Variants in MROH2B observed in about 807,000 individuals in gnomAD.
MROH2B encodes maestro heat-like repeat-containing protein family member 2B.
Under a neutral mutation model 208.6 loss-of-function variants are expected in MROH2B, and 177 were observed. The observed-to-expected ratio is 0.85, with a 90% CI of 0.75 to 0.96. The LOEUF (loss-of-function observed/expected upper bound fraction) is 0.96. Ranked by LOEUF, MROH2B falls within the 40% of genes least tolerant of loss-of-function variation. MROH2B has a pLI of 0.00. For missense variants in MROH2B, 2,002 were observed against 1,878.7 expected (o/e 1.07, Z -1.21); for synonymous variants, 728 against 659.0 (o/e 1.10, Z -1.60).
rs559594339 is a variant in MROH2B, at chr5:41,023,558, A to G, written c.2442-4540T>C. Among the ~76,000 whole-genome samples, 67 of 152,354 alleles carry G rather than the reference A, an allele frequency of 4.4e-4. 2 individuals carry two copies. In the South Asian group the frequency reaches 0.013, roughly 30 times the overall value. On this transcript the variant is annotated intron_variant, in intron 24 of 41. Transcript: ENST00000399564. ...GGGACTATGTGAAAAGACCAAATCT[A>G]CATCTGGTTGGTGTACCTGAAAGTG...
In MROH2B at chr5:41,012,647, G is replaced by A. The variant is rs1171970228; in HGVS notation, c.3071C>T (p.Thr1024Ile). 4 of 1,613,766 alleles carry A rather than the reference G, an allele frequency of 2.5e-6. No homozygotes were observed. The highest frequency in any genetic ancestry group is 3.4e-6 in the Non-Finnish European group (4 of 1,179,812). The change falls in exon 30 of 42, where the codon ACA becomes ATA. Residue 1024 changes from threonine to isoleucine, a missense_variant. Physicochemically the swap from Thr to Ile is moderately conservative, Grantham distance 89. Transcript: ENST00000399564. Reference protein sequence around the residue: ...DGLESLNPTCTKACGIWMITV... With the variant: ...DGLESLNPTCIKACGIWMITV... ...GATCATCCATATGCCACAGGCCTTT[G>A]TACAAGTGGGGTTGAGGCTCTCCAG...
chr5:41,045,648 C>T, intron 18 of MROH2B, 98 bp downstream of exon 18: 8 of 825,628 alleles, frequency 9.7e-6, no homozygotes, highest in East Asian at 2.6e-5. Flanking sequence ...TTAAATGTTC[C>T]TCCCTCCCTT....
intron 15 of MROH2B, 92 bp downstream of exon 15, chr5:41,049,009 T>C: frequency 2.5e-6 from 3 of 1,222,958 alleles, no homozygotes; most frequent in Non-Finnish European, 3.4e-6. Context: ...TTGTTTGGAG[T>C]ATCTATGTAA....
chr5:41,029,201 A>C (rs1187330824), intron 24 of MROH2B, among the ~76,000 whole-genome samples: 2 of 152,046 alleles, frequency 1.3e-5, no homozygotes, highest in African/African-American at 2.4e-5. Flanking sequence ...AGCAGTTTTG[A>C]TTTGTATTTC....
At chr5:41,009,495 T>C (rs998606978) in intron 31 of MROH2B, 89 bp from the exon 32 acceptor site, 1 of 1,484,082 alleles carries the variant, frequency 6.7e-7, no homozygotes, top group Non-Finnish European at 9.1e-7. Flanking sequence ...AATCACATTA[T>C]GACTAATGAC....
intron 6 of MROH2B, among the ~76,000 whole-genome samples, chr5:41,060,295 AT>A (rs1049646002): frequency 6.6e-6 from 1 of 151,932 alleles, no homozygotes; most frequent in Non-Finnish European, 1.5e-5. Context: ...ATACCCCTCT[AT>A]TGTTAATGTT....
In MROH2B at chr5:41,065,470, C is replaced by T. The variant is rs1230169115; in HGVS notation, c.222G>A (p.Met74Ile). The T allele has an allele frequency of 6.2e-7, 1 of 1,612,818 alleles. No individual in the cohort carries two copies. The highest frequency in any genetic ancestry group is 1.3e-5 in the African/African-American group (1 of 74,972). The change falls in exon 4 of 42, where the codon ATG becomes ATA. Residue 74 changes from methionine to isoleucine, a missense_variant. Met to Ile is a conservative substitution (Grantham distance 10). Coordinates refer to ENST00000399564, the MANE Select transcript of MROH2B (RefSeq NM_173489.5). ...RDNNMLREIR[M>I]LAGEVLVSLA... Reference sequence around the variant, plus strand: ...GAGACACCAAAACCTCACCAGCTAGCATTCTGATTTCTCTGAGCATCTGAG... The same window carrying T: ...GAGACACCAAAACCTCACCAGCTAGTATTCTGATTTCTCTGAGCATCTGAG...
intron 28 of MROH2B, among the ~76,000 whole-genome samples, chr5:41,016,496 A>AT (rs1380488919): frequency 2.5e-4 from 15 of 59,664 alleles, no homozygotes; most frequent in African/African-American, 3.9e-4. Context: ...TACTACTGTA[A>AT]TGTTTTTTTT....
chr5:41,039,589 A>C (rs1742880500), intron 19 of MROH2B, 34 bp from the exon 20 acceptor site: 1 of 1,419,658 alleles, frequency 7.0e-7, no homozygotes, highest in African/African-American at 1.4e-5. Flanking sequence ...TTTTGAGTTT[A>C]ACCATTTATT....
chr5:41,070,933 G>A lies in MROH2B; in HGVS notation c.-81C>T. The stretch of plus-strand genomic sequence containing the variant: ...GGCTAAAAAATCAAAGAGGCAGGTT[G>A]GCAAGTTTCTCATATAAGGTTCACA... On this transcript the variant is annotated 5_prime_UTR_variant, in exon 1 of 42. Coordinates refer to ENST00000399564, the MANE Select transcript of MROH2B (RefSeq NM_173489.5). 1 of 1,447,000 alleles carries A rather than the reference G, an allele frequency of 6.9e-7. No individual in the cohort carries two copies. Among genetic ancestry groups the A allele is most frequent in the Non-Finnish European group, 9.5e-7 (1 of 1,047,382 alleles). The allele number at this position is 1,447,000 out of a possible 1,614,324, so 89.6% of individuals were successfully genotyped here. A position where few individuals can be genotyped will look rare whatever the true frequency, so the allele number is the denominator to read the frequency against.
Position 41,039,442 on chromosome 5 carries a change from TCTTAC to T in MROH2B, c.2061+1_2061+5del. On this transcript the variant is annotated splice_donor_variant and splice_donor_5th_base_variant and intron_variant, in intron 20 of 41. Transcript: ENST00000399564. LOFTEE classifies it high-confidence loss of function. ...CTGAGAATTTGAAGGAGATGATTCT[TCTTAC>T]CTTACATCGATTCATGAAAAACTTT... 2 of 1,532,818 alleles carry T rather than the reference TCTTAC, an allele frequency of 1.3e-6. No homozygotes were observed. The highest frequency in any genetic ancestry group is 1.2e-5 in the South Asian group (1 of 84,342). The allele number at this position is 1,532,818 out of a possible 1,614,324, so 95.0% of individuals were successfully genotyped here. A position where few individuals can be genotyped will look rare whatever the true frequency, so the allele number is the denominator to read the frequency against.
intron 24 of MROH2B, among the ~76,000 whole-genome samples, chr5:41,027,133 G>A (rs1288040834): frequency 6.6e-6 from 1 of 152,156 alleles, no homozygotes; most frequent in South Asian, 2.1e-4. Context: ...CATGGGCAAG[G>A]ACTTCATGTC....
intron 16 of MROH2B, 57 bp downstream of exon 16, chr5:41,048,267 C>T: frequency 1.3e-6 from 2 of 1,522,676 alleles, no homozygotes; most frequent in Non-Finnish European, 1.8e-6. Context: ...AGAAACGGTG[C>T]ATTATTTCTT....
intron 2 of MROH2B, among the ~76,000 whole-genome samples, chr5:41,067,965 C>T (rs1743863841): frequency 6.6e-6 from 1 of 152,148 alleles, no homozygotes; most frequent in Non-Finnish European, 1.5e-5. Context: ...TCCTAAGGGA[C>T]ATTTACAGGC....
At chr5:41,041,021 G>A (rs1426104678) in intron 19 of MROH2B, among the ~76,000 whole-genome samples, 8 of 152,140 alleles carry the variant, frequency 5.3e-5, no homozygotes, top group Non-Finnish European at 1.2e-4. Flanking sequence ...AGTCTTATAT[G>A]CTTATATTTA....
At chr5:41,012,773 C>T in intron 29 of MROH2B, 38 bp from the exon 30 acceptor site, 1 of 1,609,558 alleles carries the variant, frequency 6.2e-7, no homozygotes, top group Non-Finnish European at 8.5e-7. Flanking sequence ...TAATCAACCA[C>T]CCCATTTTAT....
rs1267488951 is a variant in MROH2B, at chr5:41,049,083, T to C, written c.1542+18A>G. 6.3e-7 allele frequency: 1 copy of C among 1,585,250 alleles called. No individual in the cohort carries two copies. The highest frequency in any genetic ancestry group is 2.3e-5 in the East Asian group (1 of 44,096). ...CAGCTTAAATTTGTTCTACTTTGGT[T>C]CTTAGTAACTCACTCACCAGAAGTC... On this transcript the variant is annotated intron_variant, in intron 15 of 41. Transcript: ENST00000399564.
chr5:41,067,252 G>C, intron 2 of MROH2B, 34 bp from the exon 3 acceptor site: 2 of 1,316,566 alleles, frequency 1.5e-6, no homozygotes, highest in Non-Finnish European at 2.1e-6. Context: ...CAGAAATTTG[G>C]CTTGCAAAAA....
rs144383070 is a variant in MROH2B at position 41,018,221 on chromosome 5, C to T, written c.2763+120G>A. ...GTTAGATCTCTCTCCAAAAGTGTTCCGAAAAGCACTTCACTCTGAGATGCA... is the reference window on the plus strand; with the variant it reads ...GTTAGATCTCTCTCCAAAAGTGTTCTGAAAAGCACTTCACTCTGAGATGCA... On this transcript the variant is annotated intron_variant, in intron 27 of 41. Transcript: ENST00000399564. The T allele has an allele frequency of 1.4e-3, 1,516 of 1,120,472 alleles. 23 individuals carry two copies. In the East Asian group the frequency reaches 0.03, roughly 22 times the overall value. The allele number at this position is 1,120,472 out of a possible 1,614,324, so 69.4% of individuals were successfully genotyped here.
Sources: allele counts gnomAD v4.1 joint callset (sites outside exome capture counted in the v4.1 genomes callset), GRCh38; gene constraint gnomAD v4.1.1; transcripts MANE v1.5; gene names NCBI Gene and HGNC (gene_info 2026-07-23, HGNC 2026-07-21).